Variants in TPRG1 observed in about 807,000 individuals in gnomAD.
The protein encoded by TPRG1 is tumor protein p63 regulated 1, also known as tumor protein p63-regulated gene 1 protein.
Under a neutral mutation model 29.3 loss-of-function variants are expected in TPRG1, and 29 were observed. The ratio of observed to expected loss-of-function variants is 0.99; its 90% CI spans 0.74 to 1.35. The LOEUF (loss-of-function observed/expected upper bound fraction) is 1.35, where lower values mean the gene tolerates loss of function less well. Among genes scored for constraint, TPRG1 ranks in the 40% most tolerant of loss-of-function variants. The pLI, the probability that TPRG1 is intolerant of heterozygous loss-of-function variation, is 0.00. For synonymous variants in TPRG1, 130 were observed against 116.8 expected (o/e 1.11, Z -0.73); for missense variants, 327 against 335.0 (o/e 0.98, Z 0.19).
chr3:189,250,264 T>C (rs1245424575), intron 4 of TPRG1, among the ~76,000 whole-genome samples: 1 of 152,162 alleles, frequency 6.6e-6, no homozygotes, highest in Admixed American at 6.6e-5. Context: ...GATTAAGTGA[T>C]AGTTGTTTAT....
chr3:188,999,992 C>A (rs1711953388), intron 1 of TPRG1, among the ~76,000 whole-genome samples: 1 of 152,064 alleles, frequency 6.6e-6, no homozygotes. Flanking sequence ...TATACTCCCA[C>A]TAGCTGAGTA....
intron 4 of TPRG1, among the ~76,000 whole-genome samples, chr3:189,252,986 G>A (rs929027370): frequency 1.3e-5 from 2 of 151,960 alleles, no homozygotes; most frequent in African/African-American, 4.8e-5. Context: ...TGATTTGACA[G>A]GTACATCTCA....
intron 4 of TPRG1, among the ~76,000 whole-genome samples, chr3:189,250,508 C>CCCG (rs1553931564): frequency 1.2e-5 from 1 of 80,248 alleles, no homozygotes; most frequent in Non-Finnish European, 2.4e-5. Context: ...ATTTCCGCCC[C>CCCG]CCCCCCCCCA....
At chr3:189,299,075 AT>A (rs1321743272) in intron 4 of TPRG1, among the ~76,000 whole-genome samples, 189 of 144,590 alleles carry the variant, frequency 1.3e-3, no homozygotes, top group African/African-American at 2.8e-3. Context: ...TTTTCTGAGA[AT>A]TTTTTTTTTT....
chr3:189,183,069 C>A (rs747232497), intron 1 of TPRG1, among the ~76,000 whole-genome samples: 1 of 152,132 alleles, frequency 6.6e-6, no homozygotes, highest in African/African-American at 2.4e-5. Flanking sequence ...GACTTTTTAT[C>A]GGGGAACCTG....
At chr3:189,078,008 T>TTTCCTTCC (rs773510018) in intron 4 of TPRG1, among the ~76,000 whole-genome samples, 2,057 of 98,386 alleles carry the variant, frequency 0.021, 169 homozygotes, top group African/African-American at 0.073. Flanking sequence ...CTAAAAACCT[T>TTTCCTTCC]TTCCTTCCTT....
At chr3:189,272,713 C>CTTTCTCCT (rs745809250) in intron 4 of TPRG1, among the ~76,000 whole-genome samples, 25 of 132,516 alleles carry the variant, frequency 1.9e-4, no homozygotes, top group African/African-American at 4.1e-4. Flanking sequence ...TTCTTTCTTT[C>CTTTCTCCT]TCCTTCCTTC....
At chr3:189,215,183 A>T in intron 2 of TPRG1, 109 bp from the exon 3 acceptor site, 1 of 829,912 alleles carries the variant, frequency 1.2e-6, no homozygotes, top group Non-Finnish European at 1.8e-6. Flanking sequence ...CATAAACTAT[A>T]TCCTTTGTGA....
intron 4 of TPRG1, among the ~76,000 whole-genome samples, chr3:189,081,201 T>C (rs1717569295): frequency 6.6e-6 from 1 of 152,058 alleles, no homozygotes; most frequent in African/African-American, 2.4e-5. Context: ...TTTGAAAAGA[T>C]AGATGTGGTG....
intron 1 of TPRG1, among the ~76,000 whole-genome samples, chr3:189,205,280 T>C (rs1734151002): frequency 6.6e-6 from 1 of 152,222 alleles, no homozygotes; most frequent in South Asian, 2.1e-4. Flanking sequence ...TAAGAAATCA[T>C]ATAAAGCAAA....
At chr3:189,295,326 G>C (rs186234473) in intron 4 of TPRG1, among the ~76,000 whole-genome samples, 1 of 152,012 alleles carries the variant, frequency 6.6e-6, no homozygotes, top group African/African-American at 2.4e-5. Context: ...AGGCTGTGTT[G>C]TGAACACAGT....
At position 189,280,937 on chromosome 3, in the gene TPRG1, C is replaced by G. The variant is rs1022353866; in HGVS notation, c.480-29449C>G. Among the ~76,000 whole-genome samples, 13 of 152,078 alleles carry G rather than the reference C, an allele frequency of 8.5e-5. 1 individual carries two copies. The highest frequency in any genetic ancestry group is 1.9e-4 in the Non-Finnish European group (13 of 68,016). ...ACGTATCTATTCTCCTTCGGGAGAC[C>G]CATGAGATTCAGGAAAGGTGGTCTG... On this transcript the variant is annotated intron_variant, in intron 4 of 5. Coordinates refer to ENST00000345063, the MANE Select transcript of TPRG1 (RefSeq NM_198485.4).
chr3:189,311,883 G>T lies in TPRG1; in HGVS notation c.633+1344G>T, dbSNP rs143297467. ...CAACCTAACACCTATTTGAAGGCAA[G>T]AATATGAGAACAGACTCACCCAGGG... On this transcript the variant is annotated intron_variant, in intron 5 of 5. Coordinates refer to ENST00000345063, the MANE Select transcript of TPRG1 (RefSeq NM_198485.4). 8.3e-3 allele frequency among the ~76,000 whole-genome samples: 1,270 copies of T among 152,224 alleles called. 17 individuals are homozygous for T. The highest frequency in any genetic ancestry group is 0.075 in the Middle Eastern group (22 of 294).
rs1465952554 is a variant in TPRG1 at position 189,101,936 on chromosome 3, GTTTTA to G, written c.-744+1738_-744+1742del. Among the ~76,000 whole-genome samples, 18 of 152,118 alleles carry G rather than the reference GTTTTA, an allele frequency of 1.2e-4. No individual in the cohort carries two copies. In the South Asian group the frequency reaches 3.3e-3, roughly 28 times the overall value. ...ACCCTATGAGTTAGGTGCTGCTATT[GTTTTA>G]TTTTAATTTTTTTGCAGATGAGAAA... On this transcript the variant is annotated intron_variant, in intron 1 of 6. Coordinates refer to the TPRG1 transcript ENST00000412373.
At chr3:189,145,196 T>A (rs1725084304) in intron 3 of TPRG1, among the ~76,000 whole-genome samples, 1 of 151,768 alleles carries the variant, frequency 6.6e-6, no homozygotes, top group Admixed American at 6.6e-5. Flanking sequence ...ACCGCGTCTC[T>A]ACTAAAAATA....
At chr3:189,182,958 G>A (rs1730427164) in intron 1 of TPRG1, among the ~76,000 whole-genome samples, 1 of 152,256 alleles carries the variant, frequency 6.6e-6, no homozygotes, top group Non-Finnish European at 1.5e-5. Context: ...GTGAGAACAT[G>A]TAAGATCTAT....
chr3:189,224,157 G>A (rs963870353), intron 3 of TPRG1, among the ~76,000 whole-genome samples: 2 of 152,188 alleles, frequency 1.3e-5, no homozygotes, highest in Non-Finnish European at 2.9e-5. Flanking sequence ...TTTAAAAGGA[G>A]GAGGGGTTTC....
At chr3:189,244,150 C>T (rs1741029964) in intron 4 of TPRG1, among the ~76,000 whole-genome samples, 1 of 152,114 alleles carries the variant, frequency 6.6e-6, no homozygotes, top group Non-Finnish European at 1.5e-5. Context: ...AAGAGGTTTG[C>T]CGTGTGCAAT....
chr3:189,206,832 C>T (rs1330306534), intron 1 of TPRG1, among the ~76,000 whole-genome samples: 9 of 53,338 alleles, frequency 1.7e-4, no homozygotes, highest in Middle Eastern at 7.1e-3. Flanking sequence ...TGTGTGTGCA[C>T]GCGTGTATGC....
Sources: allele counts gnomAD v4.1 joint callset (sites outside exome capture counted in the v4.1 genomes callset), GRCh38; gene constraint gnomAD v4.1.1; transcripts MANE v1.5; gene names NCBI Gene and HGNC (gene_info 2026-07-23, HGNC 2026-07-21).